The following PRKG1 variants were observed in gnomAD, a reference collection of about 807,000 sequenced individuals.
PRKG1 encodes the protein protein kinase cGMP-dependent 1, also known as cGMP-dependent protein kinase 1.
PRKG1 carries 35 observed loss-of-function variants against 88.1 expected under a neutral mutation model. That is an observed-to-expected ratio of 0.40 (90% confidence interval 0.30 to 0.53). PRKG1 has a LOEUF of 0.53. Ranked by LOEUF, PRKG1 falls within the 20% of genes least tolerant of loss-of-function variation. PRKG1 has a pLI of 0.59. For synonymous variants in PRKG1, 303 were observed against 292.5 expected (o/e 1.04, Z -0.37); for missense variants, 540 against 839.8 (o/e 0.64, Z 4.41).
chr10:51,116,036 T>C (rs1845115729), intron 1 of PRKG1, among the ~76,000 whole-genome samples: 1 of 152,086 alleles, frequency 6.6e-6, no homozygotes. Flanking sequence ...AGTTCTGGTG[T>C]GGTGGTGGAA....
chr10:51,455,795 AC>A (rs1839567682), intron 2 of PRKG1, among the ~76,000 whole-genome samples: 1 of 152,172 alleles, frequency 6.6e-6, no homozygotes, highest in African/African-American at 2.4e-5. Flanking sequence ...AAACTTTCTC[AC>A]TTCTTCCTGT....
intron 9 of PRKG1, among the ~76,000 whole-genome samples, chr10:52,237,243 C>T (rs1388196468): frequency 6.9e-6 from 1 of 144,704 alleles, no homozygotes. Context: ...GAAGCATTCC[C>T]TTTGAAAACT....
At chr10:52,262,159 A>T (rs1213360486) in intron 10 of PRKG1, among the ~76,000 whole-genome samples, 1 of 152,174 alleles carries the variant, frequency 6.6e-6, no homozygotes, top group Non-Finnish European at 1.5e-5. Flanking sequence ...AAATCATAGT[A>T]GTAATGATCA....
At chr10:51,306,664 G>C (rs931267586) in intron 2 of PRKG1, 6 of 152,170 alleles carry the variant, frequency 3.9e-5, no homozygotes, top group Admixed American at 1.3e-4. Context: ...ACAACATCTA[G>C]TAAAGGAGAC....
intron 9 of PRKG1, among the ~76,000 whole-genome samples, chr10:52,250,070 G>C (rs1841136097): frequency 6.6e-6 from 1 of 152,134 alleles, no homozygotes; most frequent in South Asian, 2.1e-4. Flanking sequence ...CAATGGGATG[G>C]AGTTTTAATT....
At chr10:51,947,317 A>G (rs1451610840) in intron 5 of PRKG1, among the ~76,000 whole-genome samples, 2 of 152,076 alleles carry the variant, frequency 1.3e-5, no homozygotes, top group Admixed American at 6.5e-5. Flanking sequence ...CTCGTCAGAA[A>G]AGCGCAGTAT....
chr10:51,533,997 T>A (rs1046397624), intron 3 of PRKG1, among the ~76,000 whole-genome samples: 7 of 152,164 alleles, frequency 4.6e-5, no homozygotes, highest in Admixed American at 4.6e-4. Context: ...AAAGCATGAT[T>A]CAAACTCGGA....
At chr10:51,375,760 G>GC (rs887492553) in intron 2 of PRKG1, among the ~76,000 whole-genome samples, 3 of 143,212 alleles carry the variant, frequency 2.1e-5, no homozygotes, top group Non-Finnish European at 3.1e-5. Flanking sequence ...GTGGTGGGGG[G>GC]GTGTTACTAT....
At chr10:51,119,935 G>C (rs1168873632) in intron 1 of PRKG1, among the ~76,000 whole-genome samples, 1 of 152,094 alleles carries the variant, frequency 6.6e-6, no homozygotes, top group African/African-American at 2.4e-5. Context: ...AAGAAACAGT[G>C]ATCATGAGCT....
intron 5 of PRKG1, among the ~76,000 whole-genome samples, chr10:51,997,532 T>C (rs1452683626): frequency 6.6e-6 from 1 of 151,532 alleles, no homozygotes; most frequent in African/African-American, 2.4e-5. Flanking sequence ...ATAGTGGCTA[T>C]AGTTAATAAC....
intron 3 of PRKG1, among the ~76,000 whole-genome samples, chr10:51,778,653 C>A (rs923463004): frequency 1.3e-5 from 2 of 152,100 alleles, no homozygotes; most frequent in African/African-American, 4.8e-5. Context: ...ATTTTCTGAA[C>A]CTTCTGTGGC....
rs61236952 is a variant in PRKG1 at position 51,670,532 on chromosome 10, C to G, written c.593-134053C>G. On this transcript the variant is annotated intron_variant, in intron 3 of 17. Coordinates refer to ENST00000373980, the MANE Select transcript of PRKG1 (RefSeq NM_006258.4). ...CGGGCAGATCACGAGGTCAGGAGAT[C>G]GAGACCATCCCGGCTAAAACGGTGA... Among the ~76,000 whole-genome samples the G allele has an allele frequency of 5.4e-3, 813 of 150,230 alleles. 8 individuals carry two copies. Among genetic ancestry groups the G allele is most frequent in the African/African-American group, 0.018 (758 of 41,202 alleles).
intron 1 of PRKG1, among the ~76,000 whole-genome samples, chr10:51,094,322 G>A (rs1319202990): frequency 6.6e-6 from 1 of 152,012 alleles, no homozygotes; most frequent in East Asian, 1.9e-4. Flanking sequence ...AATTGAGACA[G>A]AGTATTAAAT....
intron 3 of PRKG1, among the ~76,000 whole-genome samples, chr10:51,751,306 C>T (rs949975057): frequency 2.0e-5 from 3 of 152,100 alleles, no homozygotes; most frequent in South Asian, 2.1e-4. Context: ...GGTGCGATCT[C>T]GGCTCACTGC....
At chr10:51,420,752 G>A (rs933812591) in intron 2 of PRKG1, among the ~76,000 whole-genome samples, 1 of 152,184 alleles carries the variant, frequency 6.6e-6, no homozygotes, top group Non-Finnish European at 1.5e-5. Flanking sequence ...TTAAAACAGA[G>A]GTTTAATTGG....
At chr10:52,108,488 T>G (rs1010003002) in intron 7 of PRKG1, among the ~76,000 whole-genome samples, 1 of 152,182 alleles carries the variant, frequency 6.6e-6, no homozygotes, top group Non-Finnish European at 1.5e-5. Flanking sequence ...GTGGCTTGCT[T>G]AGGAGTGAGT....
intron 1 of PRKG1, among the ~76,000 whole-genome samples, chr10:51,135,362 T>C (rs1772936929): frequency 6.6e-6 from 1 of 152,154 alleles, no homozygotes; most frequent in African/African-American, 2.4e-5. Context: ...AGTAGAGTTA[T>C]AGTGCAAATC....
chr10:51,654,220 G>T (rs1041794430), intron 3 of PRKG1, among the ~76,000 whole-genome samples: 2 of 152,092 alleles, frequency 1.3e-5, no homozygotes, highest in Non-Finnish European at 2.9e-5. Context: ...GTAAGACAAG[G>T]ATCCAATTTC....
At chr10:51,230,881 A>G (rs1174749424) in intron 2 of PRKG1, among the ~76,000 whole-genome samples, 2 of 152,094 alleles carry the variant, frequency 1.3e-5, no homozygotes, top group African/African-American at 4.8e-5. Flanking sequence ...TGCAGAACCC[A>G]TGAATGTGGA....
Sources: gnomAD v4.1 joint callset for allele counts (sites outside exome capture counted in the v4.1 genomes callset) on GRCh38, gnomAD v4.1.1 for gene constraint, MANE v1.5 for transcripts, NCBI Gene and HGNC (gene_info 2026-07-23, HGNC 2026-07-21) for gene names.